The following PREX1 variants were observed in gnomAD, a reference collection of about 807,000 sequenced individuals.
PREX1 encodes phosphatidylinositol 3,4,5-trisphosphate-dependent Rac exchanger 1 protein.
A neutral mutation model predicts 198.3 loss-of-function variants in PREX1; 41 were observed. The observed-to-expected ratio is 0.21, with a 90% confidence interval of 0.16 to 0.27. The LOEUF (loss-of-function observed/expected upper bound fraction) is 0.27. Ranked by LOEUF, PREX1 falls within the 10% of genes least tolerant of loss-of-function variation. PREX1 has a pLI of 1.00. For missense variants in PREX1, 1,620 were observed against 2,200.7 expected (o/e 0.74, Z 5.28); for synonymous variants, 843 against 887.2 (o/e 0.95, Z 0.89).
chr20:48,814,900 G>A (rs2090453083), intron 1 of PREX1, among the ~76,000 whole-genome samples: 1 of 152,146 alleles, frequency 6.6e-6, no homozygotes, highest in Non-Finnish European at 1.5e-5. Context: ...ACTATATGAT[G>A]CCTGTAGGAG....
intron 5 of PREX1, among the ~76,000 whole-genome samples, chr20:48,711,493 T>C: frequency 6.6e-6 from 1 of 152,086 alleles, no homozygotes; most frequent in Non-Finnish European, 1.5e-5. Context: ...TGCCAGTTAG[T>C]GAGACCCCCG....
intron 1 of PREX1, among the ~76,000 whole-genome samples, chr20:48,753,954 T>C (rs1259509300): frequency 3.3e-5 from 5 of 152,180 alleles, no homozygotes; most frequent in Non-Finnish European, 4.4e-5. Flanking sequence ...TTCAGTATCA[T>C]CTCCCTCACT....
chr20:48,650,251 C>A (rs754523905), intron 23 of PREX1, 45 bp from the exon 24 acceptor site: 1 of 1,554,500 alleles, frequency 6.4e-7, no homozygotes, highest in Admixed American at 1.7e-5. Flanking sequence ...AGGGCAGGGT[C>A]TGGAAATATT....
chr20:48,766,318 G>C (rs12624802), intron 1 of PREX1, among the ~76,000 whole-genome samples: 1 of 152,110 alleles, frequency 6.6e-6, no homozygotes, highest in Admixed American at 6.5e-5. Flanking sequence ...AGATCACTTA[G>C]GCATCCCTGG....
intron 16 of PREX1, among the ~76,000 whole-genome samples, chr20:48,659,233 A>AAAGGAAGGAAAGAAGGAAGG (rs1555832534): frequency 3.9e-4 from 39 of 98,948 alleles, no homozygotes; most frequent in African/African-American, 1.3e-3. Context: ...GAGAGAAAGA[A>AAAGGAAGGAAAGAAGGAAGG]AAGGAAGGAA....
intron 1 of PREX1, among the ~76,000 whole-genome samples, chr20:48,806,939 G>T (rs1051209972): frequency 6.6e-6 from 1 of 152,160 alleles, no homozygotes; most frequent in African/African-American, 2.4e-5. Flanking sequence ...CTCAGAAGAG[G>T]TATAGGGACA....
In PREX1 at chr20:48,666,397, C is replaced by T; in HGVS notation, c.1666-42G>A. The stretch of plus-strand genomic sequence containing the variant: ...AGGGGAGGGTGTTAGGTGGCAGCAT[C>T]CGAGAGGCCATGCATGGCCAACGAG... On this transcript the variant is annotated intron_variant, in intron 14 of 39. Coordinates refer to ENST00000371941, the MANE Select transcript of PREX1 (RefSeq NM_020820.4). The surrounding 1 kb of genome is among the most constrained non-coding windows in gnomAD (Gnocchi z 4.3). 6.6e-7 allele frequency: 1 copy of T among 1,504,642 alleles called. No individual in the cohort carries two copies. The highest frequency in any genetic ancestry group is 9.0e-7 in the Non-Finnish European group (1 of 1,110,756). 93.2% of individuals were successfully genotyped at this position (1,504,642 alleles called of 1,614,324 possible).
rs1203432711 is a variant in PREX1 at position 48,624,517 on chromosome 20, G to A, written c.*1368C>T. 1.3e-5 allele frequency: 2 copies of A among 152,438 alleles called. No individual in the cohort carries two copies. The highest frequency in any genetic ancestry group is 2.9e-5 in the Non-Finnish European group (2 of 68,048). The allele number at this position is 152,438 out of a possible 1,614,324, so 9.4% of individuals were successfully genotyped here. A position where few individuals can be genotyped will look rare whatever the true frequency, so the allele number is the denominator to read the frequency against. ...GGCTCGGATGCCAGATGCCGGGAGG[G>A]CTTCAAGCTCCCAGGCCTGGGGGCA... On this transcript the variant is annotated 3_prime_UTR_variant, in exon 40 of 40. Transcript: ENST00000371941.
At chr20:48,865,606 A>T in the PREX1 span, among the ~76,000 whole-genome samples, 1 of 152,208 alleles carries the variant, frequency 6.6e-6, no homozygotes, top group Non-Finnish European at 1.5e-5. Flanking sequence ...CCTCCACAAG[A>T]GCTTTTAGCA....
intron 3 of PREX1, among the ~76,000 whole-genome samples, chr20:48,740,832 C>T (rs2090078140): frequency 6.6e-6 from 1 of 152,224 alleles, no homozygotes; most frequent in African/African-American, 2.4e-5. Context: ...ATGTAAGCAG[C>T]CTCAGGCTGA....
At chr20:48,729,285 T>C (rs2090023790) in intron 4 of PREX1, among the ~76,000 whole-genome samples, 1 of 152,100 alleles carries the variant, frequency 6.6e-6, no homozygotes, top group African/African-American at 2.4e-5. Flanking sequence ...CCATGTCATC[T>C]AGGCTGGTCT....
At chr20:48,724,127 C>T (rs1240358477) in intron 5 of PREX1, among the ~76,000 whole-genome samples, 1 of 152,152 alleles carries the variant, frequency 6.6e-6, no homozygotes. Context: ...AGTTTAACTC[C>T]CCAAAATCCT....
At chr20:48,830,846 T>C (rs1169479769), upstream of PREX1, among the ~76,000 whole-genome samples, 1 of 152,124 alleles carries the variant, frequency 6.6e-6, no homozygotes, top group Non-Finnish European at 1.5e-5. Context: ...ACATGGAGGG[T>C]GCTTAGAGCA....
At chr20:48,856,696 G>C in the PREX1 span, among the ~76,000 whole-genome samples, 1 of 152,302 alleles carries the variant, frequency 6.6e-6, no homozygotes, top group East Asian at 1.9e-4. Flanking sequence ...ACTCTTTGCC[G>C]GGTGGATGGG....
At chr20:48,709,417 C>T (rs575761138) in intron 5 of PREX1, among the ~76,000 whole-genome samples, 1 of 152,230 alleles carries the variant, frequency 6.6e-6, no homozygotes, top group African/African-American at 2.4e-5. Context: ...GCTGACTCTG[C>T]CCCTCACTGT....
chr20:48,746,387 C>A (rs756896902), intron 2 of PREX1, among the ~76,000 whole-genome samples: 2 of 152,182 alleles, frequency 1.3e-5, no homozygotes, highest in Non-Finnish European at 2.9e-5. Flanking sequence ...ACTAAAATAT[C>A]CATCCACAGG....
At chr20:48,835,071 A>T in the PREX1 span, among the ~76,000 whole-genome samples, 11 of 152,130 alleles carry the variant, frequency 7.2e-5, no homozygotes, top group Non-Finnish European at 1.5e-4. Context: ...TGGAAGTTTT[A>T]TACATCACTT....
the PREX1 span, among the ~76,000 whole-genome samples, chr20:48,853,984 G>A: frequency 6.6e-6 from 1 of 152,180 alleles, no homozygotes; most frequent in East Asian, 1.9e-4. Flanking sequence ...ATGGGGTCCC[G>A]TGCACACCTC....
chr20:48,724,640 A>C (rs571194194), intron 5 of PREX1, among the ~76,000 whole-genome samples: 1 of 152,354 alleles, frequency 6.6e-6, no homozygotes, highest in Non-Finnish European at 1.5e-5. Context: ...AAAAAGAGTA[A>C]ACATCATTCT....
Sources: allele counts gnomAD v4.1 joint callset (sites outside exome capture counted in the v4.1 genomes callset), GRCh38; gene constraint gnomAD v4.1.1; non-coding constraint Gnocchi (gnomAD v3.1); transcripts MANE v1.5; gene names NCBI Gene and HGNC (gene_info 2026-07-23, HGNC 2026-07-21).